Variants in ASAP3 observed in about 807,000 individuals in gnomAD.
ASAP3 encodes the protein arf-GAP with SH3 domain, ANK repeat and PH domain-containing protein 3.
ASAP3 carries 85 observed loss-of-function variants against 118.2 expected under a neutral mutation model. That is an observed-to-expected ratio of 0.72 (90% CI 0.60 to 0.86). The LOEUF is 0.86. Ranked by LOEUF, ASAP3 falls within the 40% of genes least tolerant of loss-of-function variation. ASAP3 has a pLI of 0.00. For synonymous variants in ASAP3, 432 were observed against 477.4 expected (o/e 0.90, Z 1.24); for missense variants, 1,026 against 1,175.0 (o/e 0.87, Z 1.85).
upstream of ASAP3, chr1:23,484,218 G>C (rs1242534412): frequency 2.5e-6 from 3 of 1,194,034 alleles, no homozygotes; most frequent in East Asian, 3.5e-5. Flanking sequence ...CGCCGGCCGG[G>C]GGCGCCGTCC....
chr1:23,464,671 A>T (rs1166485729), intron 1 of ASAP3, among the ~76,000 whole-genome samples: 50 of 132,216 alleles, frequency 3.8e-4, no homozygotes, highest in African/African-American at 1.2e-3. Flanking sequence ...AAAAAAAAAA[A>T]AAAAAAAAAA....
chr1:23,479,214 G>A (rs2742959), intron 1 of ASAP3, among the ~76,000 whole-genome samples: 15,445 of 152,182 alleles, frequency 0.1, 2,566 homozygotes, highest in African/African-American at 0.34. Context: ...GTGAGCATGG[G>A]GGCTGTGCTT....
intron 3 of ASAP3, 119 bp downstream of exon 3, chr1:23,455,762 C>T: frequency 1.5e-6 from 2 of 1,342,054 alleles, no homozygotes; most frequent in East Asian, 4.6e-5. Context: ...CAGGTCTGAA[C>T]TCAGGTCAGA....
Position 23,437,060 on chromosome 1 carries a change from G to T in ASAP3, c.1343-16C>A. ...CACGTGGGGTCTGCAGAGGAAAGCA[G>T]CTGGAGCCTGGAGGTGCAGCCCCTC... On this transcript the variant is annotated splice_polypyrimidine_tract_variant and intron_variant, in intron 14 of 24. Transcript: ENST00000336689. This position sits in a 1 kb window ranked among gnomAD's most constrained non-coding sequence, Gnocchi z 6.1. 1 of 1,606,936 alleles carries T rather than the reference G, an allele frequency of 6.2e-7. No individual in the cohort carries two copies. Among genetic ancestry groups the T allele is most frequent in the Non-Finnish European group, 8.5e-7 (1 of 1,176,894 alleles).
chr1:23,479,536 A>C (rs1041749757), intron 1 of ASAP3, among the ~76,000 whole-genome samples: 1 of 152,242 alleles, frequency 6.6e-6, no homozygotes. Context: ...AAGATTACAC[A>C]ATTTTTACAC....
At chr1:23,430,556 T>C (rs976526795) in intron 24 of ASAP3, among the ~76,000 whole-genome samples, 3 of 152,178 alleles carry the variant, frequency 2.0e-5, no homozygotes, top group Non-Finnish European at 4.4e-5. Flanking sequence ...AGGGGAGAGT[T>C]AGGCAAACAA....
chr1:23,439,641 C>T lies in ASAP3; in HGVS notation c.945-411G>A, dbSNP rs188310954. On this transcript the variant is annotated intron_variant, in intron 10 of 24. Transcript: ENST00000336689. Reference sequence around the variant, plus strand: ...ACTAAGCAAGATCAATATTAATATCCCCAAAATAAAATTAGCAAGTCCATG... The same window carrying T: ...ACTAAGCAAGATCAATATTAATATCTCCAAAATAAAATTAGCAAGTCCATG... Among the ~76,000 whole-genome samples the T allele has an allele frequency of 3.5e-3, 539 of 152,194 alleles. 4 individuals are homozygous for T. The highest frequency in any genetic ancestry group is 0.012 in the African/African-American group (509 of 41,508).
At chr1:23,472,226 T>C (rs1641984802) in intron 1 of ASAP3, among the ~76,000 whole-genome samples, 1 of 152,214 alleles carries the variant, frequency 6.6e-6, no homozygotes. Flanking sequence ...TGGTGAGTTT[T>C]ATGTTATGTG....
At chr1:23,442,388 TC>T in intron 6 of ASAP3, 112 bp downstream of exon 6, 1 of 1,582,388 alleles carries the variant, frequency 6.3e-7, no homozygotes, top group Non-Finnish European at 8.6e-7. Flanking sequence ...CTTGGTGACA[TC>T]CCACAGGGCC....
At chr1:23,467,941 G>A (rs1309031985) in intron 1 of ASAP3, among the ~76,000 whole-genome samples, 1 of 128,750 alleles carries the variant, frequency 7.8e-6, no homozygotes, top group Non-Finnish European at 1.6e-5. Context: ...GACAGAGTGA[G>A]ACTCCGTCTC....
rs1184660892 is a variant in ASAP3 at position 23,437,736 on chromosome 1, T to C, written c.1103-264A>G. Among the ~76,000 whole-genome samples the C allele has an allele frequency of 6.6e-6, 1 of 152,136 alleles. No individual in the cohort carries two copies. The highest frequency in any genetic ancestry group is 1.5e-5 in the Non-Finnish European group (1 of 68,006). ...AGGCTCAGACGAGGTCTCAAAGGGC[T>C]TGGAACCCCAGAGAACCCAGCTCTG... On this transcript the variant is annotated intron_variant, in intron 12 of 24. Coordinates refer to ENST00000336689, the MANE Select transcript of ASAP3 (RefSeq NM_017707.4). The surrounding 1 kb of genome is among the most constrained non-coding windows in gnomAD (Gnocchi z 6.1).
intron 1 of ASAP3, among the ~76,000 whole-genome samples, chr1:23,477,323 GC>G (rs1642162282): frequency 7.3e-6 from 1 of 137,368 alleles, no homozygotes; most frequent in African/African-American, 2.7e-5. Flanking sequence ...GTTGCAGTGA[GC>G]CGAGATCACG....
Position 23,436,916 on chromosome 1 carries a change from A to T in ASAP3, c.1471T>A (p.Leu491Met). The T allele has an allele frequency of 1.9e-6, 3 of 1,608,364 alleles. No individual in the cohort carries two copies. Among genetic ancestry groups the T allele is most frequent in the Non-Finnish European group, 2.5e-6 (3 of 1,178,446 alleles). ...LTLDLLGPSE[L>M]LLALNMGNTS... is the part of the protein sequence containing the mutation. ...AGGCCCCGCCCCGCCCTCACCAACA[A>T]CTCGGAGGGGCCCAGCAGGTCCAAG... The change falls in exon 15 of 25, where the codon TTG (leucine) becomes ATG (methionine). Residue 491 changes from leucine to methionine, a missense_variant. Transcript: ENST00000336689. The surrounding 1 kb of genome is among the most constrained non-coding windows in gnomAD (Gnocchi z 4.2).
At chr1:23,459,870 G>A (rs1198784612) in intron 1 of ASAP3, among the ~76,000 whole-genome samples, 4 of 152,206 alleles carry the variant, frequency 2.6e-5, no homozygotes, top group African/African-American at 9.7e-5. Context: ...GGCTCCCAGT[G>A]TCCATTCTCT....
At position 23,436,547 on chromosome 1, in the gene ASAP3, A is replaced by C; in HGVS notation, c.1571+13T>G. The C allele has an allele frequency of 6.2e-7, 1 of 1,613,968 alleles. No homozygotes were observed. The highest frequency in any genetic ancestry group is 8.5e-7 in the Non-Finnish European group (1 of 1,179,832). On this transcript the variant is annotated intron_variant, in intron 16 of 24. Transcript: ENST00000336689. The surrounding 1 kb of genome is among the most constrained non-coding windows in gnomAD (Gnocchi z 4.2). ...CCTAGGCAGGGTGCCCCTCTCTCTG[A>C]GAATCCCCTTACATGTCACTCTCAG...
rs1640719150 is a variant in ASAP3 at position 23,437,461 on chromosome 1, A to G, written c.1114T>C (p.Tyr372His). Reference sequence around the variant, plus strand: ...TGCTCGTCCTCTGCCTGAAAGTGGTACGTCCGGTTGTCTGTCGGGAGAGAA... The same window carrying G: ...TGCTCGTCCTCTGCCTGAAAGTGGTGCGTCCGGTTGTCTGTCGGGAGAGAA... ...CFDLVTHNRTYHFQAEDEHEC... is the reference protein window; with the variant it reads ...CFDLVTHNRTHHFQAEDEHEC... The change falls in exon 13 of 25, where the codon TAC becomes CAC. Residue 372 changes from tyrosine (Y) to histidine (H), a missense_variant. Tyr to His is a moderately conservative substitution (Grantham distance 83). Transcript: ENST00000336689. This position sits in a 1 kb window ranked among gnomAD's most constrained non-coding sequence, Gnocchi z 6.1. The G allele has an allele frequency of 6.2e-7, 1 of 1,614,078 alleles. No individual in the cohort carries two copies. The highest frequency in any genetic ancestry group is 1.3e-5 in the African/African-American group (1 of 75,048).
chr1:23,434,411 T>C (rs1396018009), intron 18 of ASAP3, 42 bp from the exon 19 acceptor site: 2 of 1,607,184 alleles, frequency 1.2e-6, no homozygotes, highest in South Asian at 1.1e-5. Context: ...GGGGAACAGA[T>C]CAATGAGGGG....
At chr1:23,454,511 G>A (rs1641322962) in intron 3 of ASAP3, among the ~76,000 whole-genome samples, 1 of 152,068 alleles carries the variant, frequency 6.6e-6, no homozygotes, top group Admixed American at 6.6e-5. Context: ...TAGAGTCAGG[G>A]TCTCACTACA....
At chr1:23,432,240 G>A (rs1184468489) in intron 22 of ASAP3, among the ~76,000 whole-genome samples, 2 of 152,016 alleles carry the variant, frequency 1.3e-5, no homozygotes, top group Non-Finnish European at 2.9e-5. Context: ...ATCCTTACCT[G>A]GGGTGATCCG....
Sources: allele counts gnomAD v4.1 joint callset (sites outside exome capture counted in the v4.1 genomes callset), GRCh38; gene constraint gnomAD v4.1.1; non-coding constraint Gnocchi (gnomAD v3.1); transcripts MANE v1.5; gene names NCBI Gene and HGNC (gene_info 2026-07-23, HGNC 2026-07-21).